The following RBM24 variants were observed in gnomAD, a reference collection of about 807,000 sequenced individuals.
The protein encoded by RBM24 is RNA-binding protein 24.
A neutral mutation model predicts 23.6 loss-of-function variants in RBM24; 5 were observed. The ratio of observed to expected loss-of-function variants is 0.21; its 90% CI spans 0.11 to 0.45. RBM24 has a LOEUF of 0.45. Ranked by LOEUF, RBM24 falls within the 20% of genes least tolerant of loss-of-function variation. The pLI is 0.99. For synonymous variants in RBM24, 151 were observed against 129.5 expected, an observed-to-expected ratio of 1.17 and a Z score of -1.13; for missense variants, 252 against 314.6, an observed-to-expected ratio of 0.80 and a Z score of 1.51.
rs1418910662 is a variant in RBM24 at position 17,282,911 on chromosome 6, C to T, written c.275C>T (p.Pro92Leu). The part of the protein sequence containing the change: ...NVNLAYLGAK[P>L]RIMQPGFAFG... Reference sequence around the variant, plus strand: ...AACCTGGCATACTTAGGAGCAAAACCAAGGATCATGCAACCAGGTGAGAAA... The same window carrying T: ...AACCTGGCATACTTAGGAGCAAAACTAAGGATCATGCAACCAGGTGAGAAA... Residue 92 changes from proline (P) to leucine (L), a missense_variant, in exon 2 of 4, where the codon CCA becomes CTA. Pro to Leu is a moderately conservative substitution (Grantham distance 98, BLOSUM62 -3). Transcript: ENST00000379052. 1 of 1,613,938 alleles carries T rather than the reference C, an allele frequency of 6.2e-7. No homozygotes were observed. The highest frequency in any genetic ancestry group is 1.7e-5 in the Admixed American group (1 of 60,026).
In RBM24 at chr6:17,282,968, C is replaced by A. The variant is rs779389585; in HGVS notation, c.292+40C>A. On this transcript the variant is annotated intron_variant, in intron 2 of 3. Coordinates refer to ENST00000379052, the MANE Select transcript of RBM24 (RefSeq NM_001143942.2). ...TCTCCCCTACCCCCCTCTCCAAGAA[C>A]CCCCCATTTATGGGTGGGATGATTC... 9.0e-6 allele frequency: 13 copies of A among 1,450,070 alleles called. No individual in the cohort carries two copies. The South Asian group carries it at 1.0e-4, about 12-fold the overall frequency. 89.8% of individuals were successfully genotyped at this position (1,450,070 alleles called of 1,614,324 possible). A position where few individuals can be genotyped will look rare whatever the true frequency, so the allele number is the denominator to read the frequency against.
chr6:17,288,143 T>C, intron 3 of RBM24: 1 of 573,032 alleles, frequency 1.7e-6, no homozygotes, highest in Non-Finnish European at 2.2e-6. Flanking sequence ...GACTGCTAAG[T>C]GTTAGAGGCT....
rs1397037351 is a variant in RBM24, at chr6:17,289,476, T to A, written c.348-2280T>A. ...TTGTTTGACATTGTGAAATCAAAAC[T>A]ATTTCCTAATGCAAAGTAAATGCAG... On this transcript the variant is annotated intron_variant, in intron 3 of 3. Coordinates refer to ENST00000379052, the MANE Select transcript of RBM24 (RefSeq NM_001143942.2). The A allele has an allele frequency of 4.1e-6, 4 of 985,348 alleles. No homozygotes were observed. In the Admixed American group the frequency reaches 2.5e-4, roughly 61 times the overall value. 61.0% of individuals were successfully genotyped at this position (985,348 alleles called of 1,614,324 possible).
Position 17,281,879 on chromosome 6 carries a change from G to C in RBM24, c.168+130G>C. Reference sequence around the variant, plus strand: ...GCGGGTAGAGCGGCGCTGCCCCTTCGCTCCGGGGTGAACTGAAACTTTGCT... The same window carrying C: ...GCGGGTAGAGCGGCGCTGCCCCTTCCCTCCGGGGTGAACTGAAACTTTGCT... On this transcript the variant is annotated intron_variant, in intron 1 of 3. Transcript: ENST00000379052. The surrounding 1 kb of genome is among the most constrained non-coding windows in gnomAD (Gnocchi z 7.1). 1 of 1,370,128 alleles carries C rather than the reference G, an allele frequency of 7.3e-7. No individual in the cohort carries two copies. The highest frequency in any genetic ancestry group is 9.9e-7 in the Non-Finnish European group (1 of 1,006,788). 84.9% of individuals were successfully genotyped at this position (1,370,128 alleles called of 1,614,324 possible).
intron 2 of RBM24, among the ~76,000 whole-genome samples, chr6:17,283,342 G>A (rs549802506): frequency 6.6e-6 from 1 of 152,248 alleles, no homozygotes; most frequent in South Asian, 2.1e-4. Flanking sequence ...GTTGCACTGT[G>A]CTCAGAGCAG....
Position 17,281,503 on chromosome 6 carries a change from G to T in RBM24, c.-79G>T. 2 of 1,331,682 alleles carry T rather than the reference G, an allele frequency of 1.5e-6. No individual in the cohort carries two copies. The highest frequency in any genetic ancestry group is 9.7e-7 in the Non-Finnish European group (1 of 1,029,374). 82.5% of individuals were successfully genotyped at this position (1,331,682 alleles called of 1,614,324 possible). On this transcript the variant is annotated 5_prime_UTR_variant, in exon 1 of 4. Transcript: ENST00000379052. This position sits in a 1 kb window ranked among gnomAD's most constrained non-coding sequence, Gnocchi z 7.1. ...GCGGCCGCGAAAGGGTGCGGGAGAC[G>T]CGGAGCCGGAGGAGGAGGCGCAGCC... is the stretch of plus-strand genomic sequence containing the variant.
rs192749812 is a variant in RBM24 at position 17,289,185 on chromosome 6, C to T, written c.348-2571C>T. On this transcript the variant is annotated intron_variant, in intron 3 of 3. Coordinates refer to ENST00000379052, the MANE Select transcript of RBM24 (RefSeq NM_001143942.2). ...GTAAATGTCTAATAGGAGGGAGATT[C>T]CCAGATCACCTTAATGGGTCTCAGA... The T allele has an allele frequency of 1.7e-4, 168 of 985,314 alleles. No individual in the cohort carries two copies. The African/African-American group carries it at 2.7e-3, about 16-fold the overall frequency. The allele number at this position is 985,314 out of a possible 1,614,324, so 61.0% of individuals were successfully genotyped here. A position where few individuals can be genotyped will look rare whatever the true frequency, so the allele number is the denominator to read the frequency against.
At chr6:17,290,147 C>T (rs371198818) in intron 3 of RBM24, 9 of 1,202,780 alleles carry the variant, frequency 7.5e-6, no homozygotes, top group African/African-American at 6.2e-5. Context: ...CATGGATGTT[C>T]GTTAATGAGT....
chr6:17,284,734 C>T, intron 3 of RBM24, 23 bp downstream of exon 3: 7 of 1,596,104 alleles, frequency 4.4e-6, no homozygotes, highest in Non-Finnish European at 6.0e-6. Context: ...ATCAGGCTTT[C>T]TTAAGTTTCA....
chr6:17,284,575 A>G (rs570571652), intron 2 of RBM24, 82 bp from the exon 3 acceptor site: 1 of 1,015,244 alleles, frequency 9.8e-7, no homozygotes, highest in African/African-American at 1.6e-5. Context: ...TTATAAGTGA[A>G]AGTTGTGATT....
chr6:17,286,019 G>A (rs1469147463), intron 3 of RBM24, among the ~76,000 whole-genome samples: 4 of 152,178 alleles, frequency 2.6e-5, no homozygotes, highest in South Asian at 2.1e-4. Context: ...AACCTGGAAG[G>A]CTGGAATCTG....
At position 17,286,317 on chromosome 6, in the gene RBM24, G is replaced by A. The variant is rs550999675; in HGVS notation, c.347+1606G>A. On this transcript the variant is annotated intron_variant, in intron 3 of 3. Coordinates refer to ENST00000379052, the MANE Select transcript of RBM24 (RefSeq NM_001143942.2). ...CCCAAATACTGAAAACAAGTGGTGG[G>A]TTGATGGGTTCAGCTATTTCTGTGG... is the stretch of plus-strand genomic sequence containing the variant. Among the ~76,000 whole-genome samples, 5 of 152,020 alleles carry A rather than the reference G, an allele frequency of 3.3e-5. No homozygotes were observed. The East Asian group carries it at 7.7e-4, about 24-fold the overall frequency.
At chr6:17,288,294 A>T in intron 3 of RBM24, 1 of 985,426 alleles carries the variant, frequency 1.0e-6, no homozygotes, top group Non-Finnish European at 1.2e-6. Flanking sequence ...AGGGCTGTCC[A>T]TGTGGCTTCA....
In RBM24 at chr6:17,292,125, C is replaced by G. The variant is rs778875729; in HGVS notation, c.*6C>G. Reference sequence around the variant, plus strand: ...AGACAGACCGAATGCAATAGACCAGCCATCTGATCAAAGTTGAATTGTTTT... The same window carrying G: ...AGACAGACCGAATGCAATAGACCAGGCATCTGATCAAAGTTGAATTGTTTT... On this transcript the variant is annotated 3_prime_UTR_variant, in exon 4 of 4. Transcript: ENST00000379052. 6.7e-7 allele frequency: 1 copy of G among 1,495,302 alleles called. No individual in the cohort carries two copies. The highest frequency in any genetic ancestry group is 8.9e-7 in the Non-Finnish European group (1 of 1,125,812). The allele number at this position is 1,495,302 out of a possible 1,614,324, so 92.6% of individuals were successfully genotyped here. A position where few individuals can be genotyped will look rare whatever the true frequency, so the allele number is the denominator to read the frequency against.
chr6:17,282,253 T>C, intron 1 of RBM24: 4 of 1,290,360 alleles, frequency 3.1e-6, no homozygotes, highest in Non-Finnish European at 4.0e-6. Context: ...CTAGGGCTCT[T>C]TGCCGAACTG....
chr6:17,292,363 G>A lies in RBM24; in HGVS notation c.*244G>A. On this transcript the variant is annotated 3_prime_UTR_variant, in exon 4 of 4. Coordinates refer to ENST00000379052, the MANE Select transcript of RBM24 (RefSeq NM_001143942.2). ...CCCAAAGAGCCTGAGTAAATGAAAG[G>A]CCACTACGAAATGACGCCAGGAGTA... is the stretch of plus-strand genomic sequence containing the variant. 1 of 309,366 alleles carries A rather than the reference G, an allele frequency of 3.2e-6. No homozygotes were observed. The highest frequency in any genetic ancestry group is 5.9e-6 in the Non-Finnish European group (1 of 170,202). The allele number at this position is 309,366 out of a possible 1,614,324, so 19.2% of individuals were successfully genotyped here. A position where few individuals can be genotyped will look rare whatever the true frequency, so the allele number is the denominator to read the frequency against.
intron 1 of RBM24, chr6:17,282,324 A>C (rs920340890): frequency 4.0e-5 from 45 of 1,117,422 alleles, no homozygotes; most frequent in Admixed American, 2.1e-4. Context: ...GCTGCCGAAG[A>C]GCAGGGAGCC....
rs144054497 is a variant in RBM24, at chr6:17,289,393, C to T, written c.348-2363C>T. On this transcript the variant is annotated intron_variant, in intron 3 of 3. Transcript: ENST00000379052. The stretch of plus-strand genomic sequence containing the variant: ...ATTTGCCTTCCAGACGTCTCTTTAA[C>T]CTTTGCCAAACTTCATGTAGGAGTC... The T allele has an allele frequency of 3.9e-4, 389 of 985,352 alleles. 6 individuals are homozygous for T. In the East Asian group the frequency reaches 0.03, roughly 75 times the overall value. The allele number at this position is 985,352 out of a possible 1,614,324, so 61.0% of individuals were successfully genotyped here.
intron 2 of RBM24, 125 bp from the exon 3 acceptor site, chr6:17,284,532 G>T: frequency 1.5e-6 from 1 of 670,226 alleles, no homozygotes. Flanking sequence ...CATACATATA[G>T]TTTCTTTAAA....
Sources: allele counts gnomAD v4.1 joint callset (sites outside exome capture counted in the v4.1 genomes callset), GRCh38; gene constraint gnomAD v4.1.1; non-coding constraint Gnocchi (gnomAD v3.1); transcripts MANE v1.5; gene names NCBI Gene and HGNC (gene_info 2026-07-23, HGNC 2026-07-21).